The following EPHA6 variants were observed in gnomAD, a reference collection of about 807,000 sequenced individuals.
EPHA6 encodes the protein EPH receptor A6, also known as ephrin type-A receptor 6.
In EPHA6, 50 loss-of-function variants were observed where a neutral mutation model predicts 112.0. The observed-to-expected ratio is 0.45, with a 90% CI of 0.36 to 0.56. The LOEUF is 0.56. Ranked by LOEUF, EPHA6 falls within the 20% of genes least tolerant of loss-of-function variation. The pLI, the probability that EPHA6 is intolerant of heterozygous loss-of-function variation, is 0.00. For missense variants in EPHA6, 1,280 were observed against 1,417.4 expected (o/e 0.90, Z 1.56); for synonymous variants, 529 against 490.7 (o/e 1.08, Z -1.03).
chr3:97,664,131 T>G (rs1423827428), intron 14 of EPHA6, among the ~76,000 whole-genome samples: 2 of 152,250 alleles, frequency 1.3e-5, no homozygotes, highest in African/African-American at 2.4e-5. Context: ...CATAAATGTC[T>G]TCTTTTGAGA....
At chr3:97,189,321 C>T (rs2077239951) in intron 3 of EPHA6, among the ~76,000 whole-genome samples, 1 of 151,892 alleles carries the variant, frequency 6.6e-6, no homozygotes, top group Admixed American at 6.6e-5. Context: ...AGAAATAGCC[C>T]TTGGAAACAT....
intron 5 of EPHA6, among the ~76,000 whole-genome samples, chr3:97,349,798 C>A (rs1247071517): frequency 6.6e-6 from 1 of 151,998 alleles, no homozygotes. Context: ...CTGATCATAG[C>A]ATCATACGTA....
At chr3:97,222,370 G>T (rs1435116566) in intron 3 of EPHA6, among the ~76,000 whole-genome samples, 1 of 152,016 alleles carries the variant, frequency 6.6e-6, no homozygotes, top group African/African-American at 2.4e-5. Context: ...TATTTTATGG[G>T]TTCAAAATTT....
intron 14 of EPHA6, among the ~76,000 whole-genome samples, chr3:97,656,322 G>A (rs1022926190): frequency 6.6e-5 from 10 of 151,840 alleles, no homozygotes; most frequent in African/African-American, 2.2e-4. Flanking sequence ...TACTACTACT[G>A]ATTTTTTAAA....
chr3:97,325,055 T>A (rs2108798458), intron 5 of EPHA6, among the ~76,000 whole-genome samples: 1 of 152,184 alleles, frequency 6.6e-6, no homozygotes, highest in Non-Finnish European at 1.5e-5. Flanking sequence ...TGGCTGGGCC[T>A]AATTCCAGGA....
intron 10 of EPHA6, among the ~76,000 whole-genome samples, chr3:97,516,457 G>A (rs2092449887): frequency 6.6e-6 from 1 of 152,164 alleles, no homozygotes; most frequent in African/African-American, 2.4e-5. Flanking sequence ...ACTTTCATAT[G>A]TAGAAGGTAT....
chr3:97,481,481 G>T, intron 9 of EPHA6: 3 of 1,199,978 alleles, frequency 2.5e-6, no homozygotes, highest in East Asian at 5.0e-5. Context: ...AATAAGGAAG[G>T]CACAAACCAT....
At chr3:96,937,821 C>G (rs1380623748) in intron 2 of EPHA6, among the ~76,000 whole-genome samples, 1 of 152,150 alleles carries the variant, frequency 6.6e-6, no homozygotes, top group Admixed American at 6.5e-5. Context: ...CAGCTTTCTA[C>G]ATATGGCTAG....
chr3:97,701,716 T>C (rs1426147544), intron 14 of EPHA6, among the ~76,000 whole-genome samples: 2 of 151,964 alleles, frequency 1.3e-5, no homozygotes, highest in Non-Finnish European at 2.9e-5. Context: ...TTTTTTTATA[T>C]ATACCTACCT....
At chr3:97,273,826 G>C (rs925881565) in intron 5 of EPHA6, among the ~76,000 whole-genome samples, 3 of 152,202 alleles carry the variant, frequency 2.0e-5, no homozygotes, top group Middle Eastern at 3.4e-3. Flanking sequence ...TGACCGCAGT[G>C]GCCTTCTCAG....
intron 2 of EPHA6, among the ~76,000 whole-genome samples, chr3:96,886,326 T>C (rs1295770998): frequency 6.6e-6 from 1 of 152,200 alleles, no homozygotes; most frequent in Non-Finnish European, 1.5e-5. Flanking sequence ...CTTAGGTCTA[T>C]GAGTAATTGT....
At chr3:97,450,687 A>G (rs770303242) in intron 7 of EPHA6, among the ~76,000 whole-genome samples, 13 of 152,040 alleles carry the variant, frequency 8.6e-5, no homozygotes, top group Non-Finnish European at 1.8e-4. Flanking sequence ...CTCACAAGTA[A>G]CTCAGTACAA....
At chr3:97,144,581 G>A (rs1448576858) in intron 3 of EPHA6, among the ~76,000 whole-genome samples, 2 of 150,032 alleles carry the variant, frequency 1.3e-5, no homozygotes, top group South Asian at 4.2e-4. Flanking sequence ...CAATATTTCT[G>A]TTGCTACACC....
At chr3:97,515,942 T>TA (rs764457650) in intron 10 of EPHA6, among the ~76,000 whole-genome samples, 3,727 of 141,514 alleles carry the variant, frequency 0.026, 159 homozygotes, top group African/African-American at 0.085. Context: ...ATAAGAAAGT[T>TA]AAAAAAAAAA....
Position 97,552,846 on chromosome 3 carries a change from T to C in EPHA6, c.2386+20303T>C, listed in dbSNP as rs1490962719. Among the ~76,000 whole-genome samples the C allele has an allele frequency of 2.0e-5, 3 of 152,328 alleles. No homozygotes were observed. In the East Asian group the frequency reaches 5.8e-4, roughly 29 times the overall value. On this transcript the variant is annotated intron_variant, in intron 11 of 17. Coordinates refer to ENST00000389672, the MANE Select transcript of EPHA6 (RefSeq NM_001080448.3). The stretch of plus-strand genomic sequence containing the variant: ...TTGTAAAGTAATAACTTATTAGTTT[T>C]TGAAAATGTTTCATAACAATATTTT...
At chr3:96,819,454 A>C (rs1353542485) in intron 1 of EPHA6, among the ~76,000 whole-genome samples, 1 of 151,862 alleles carries the variant, frequency 6.6e-6, no homozygotes, top group Non-Finnish European at 1.5e-5. Context: ...TCTCTCTCCC[A>C]CCTCACATAC....
intron 3 of EPHA6, among the ~76,000 whole-genome samples, chr3:97,173,440 A>C (rs1014600391): frequency 6.6e-6 from 1 of 151,982 alleles, no homozygotes; most frequent in Middle Eastern, 3.4e-3. Flanking sequence ...TAAAGAGACC[A>C]CTGGACTTGT....
At chr3:97,690,314 GTCTA>G (rs1203589362) in intron 14 of EPHA6, among the ~76,000 whole-genome samples, 1 of 152,154 alleles carries the variant, frequency 6.6e-6, no homozygotes, top group Non-Finnish European at 1.5e-5. Flanking sequence ...ACCTGTTGTT[GTCTA>G]TCTTTTTCAT....
chr3:96,908,544 C>A (rs1214250469), intron 2 of EPHA6, among the ~76,000 whole-genome samples: 1 of 151,752 alleles, frequency 6.6e-6, no homozygotes, highest in Non-Finnish European at 1.5e-5. Flanking sequence ...GTAGGGTAAA[C>A]TTATATGTTT....
Sources: allele counts gnomAD v4.1 joint callset (sites outside exome capture counted in the v4.1 genomes callset), GRCh38; gene constraint gnomAD v4.1.1; transcripts MANE v1.5; gene names NCBI Gene and HGNC (gene_info 2026-07-23, HGNC 2026-07-21).